Variants in TUBGCP2 observed in about 807,000 individuals in gnomAD.
TUBGCP2 encodes tubulin gamma complex component 2.
Under a neutral mutation model 92.2 loss-of-function variants are expected in TUBGCP2, and 55 were observed. The observed-to-expected ratio is 0.60, with a 90% CI of 0.48 to 0.75. TUBGCP2 has a LOEUF of 0.75. Among genes scored for constraint, TUBGCP2 ranks in the 30% least tolerant of loss-of-function variants. The pLI is 0.00. For synonymous variants in TUBGCP2, 533 were observed against 505.2 expected (o/e 1.06, Z -0.74); for missense variants, 1,093 against 1,188.9 (o/e 0.92, Z 1.19).
chr10:133,309,503 G>A (rs569651642), upstream of TUBGCP2: 9 of 1,588,526 alleles, frequency 5.7e-6, no homozygotes, highest in South Asian at 7.9e-5. Flanking sequence ...CTACTCCTGC[G>A]CCGCCTCCCT....
upstream of TUBGCP2, chr10:133,312,232 G>A (rs41313487): frequency 2.5e-3 from 3,485 of 1,373,018 alleles, 47 homozygotes; most frequent in South Asian, 0.027. Flanking sequence ...TGTGCCGTCT[G>A]CCTTCCTAGC....
chr10:133,282,606 C>A (rs1354238576), intron 15 of TUBGCP2, among the ~76,000 whole-genome samples: 2 of 152,124 alleles, frequency 1.3e-5, no homozygotes, highest in African/African-American at 4.8e-5. Flanking sequence ...AGTGGCCATG[C>A]CCTCCTCCAC....
At chr10:133,310,481 G>T (rs1847966214), upstream of TUBGCP2, 2 of 688,054 alleles carry the variant, frequency 2.9e-6, no homozygotes, top group Non-Finnish European at 2.4e-6. Flanking sequence ...GCCGAAGGGA[G>T]GCTGGAGGGG....
Position 133,293,657 on chromosome 10 carries a change from G to A in TUBGCP2, c.729C>T (p.Ser243=). Residue 243 remains serine (S), a synonymous_variant, in exon 6 of 18, where the codon AGC becomes AGT. Coordinates refer to ENST00000252936, the MANE Select transcript of TUBGCP2 (RefSeq NM_006659.4). ...GGTTGGGGTCCACGAGGAAGGTCCG[G>A]CTCTGCCTCCCAGCCAGGGGCTGAG... ...VSAQPLAGRQ[S]RTFLVDPNLD... is the part of the protein sequence containing the mutation. 3.8e-6 allele frequency: 6 copies of A among 1,593,516 alleles called. No homozygotes were observed. Among genetic ancestry groups the A allele is most frequent in the Non-Finnish European group, 5.1e-6 (6 of 1,170,686 alleles).
intron 16 of TUBGCP2, 56 bp from the exon 17 acceptor site, chr10:133,281,492 G>C: frequency 6.3e-7 from 1 of 1,589,418 alleles, no homozygotes; most frequent in Non-Finnish European, 8.5e-7. Context: ...GGGCCTTCTT[G>C]GCTCCACACT....
chr10:133,307,139 G>GGCC (rs1847842019), intron 1 of TUBGCP2, among the ~76,000 whole-genome samples: 1 of 152,252 alleles, frequency 6.6e-6, no homozygotes, highest in African/African-American at 2.4e-5. Flanking sequence ...ATCTAGCCGT[G>GGCC]GCTGCTTCTT....
Position 133,285,394 on chromosome 10 carries a change from A to G in TUBGCP2, c.1895+62T>C. 1.2e-6 allele frequency: 2 copies of G among 1,609,120 alleles called. No homozygotes were observed. Among genetic ancestry groups the G allele is most frequent in the Non-Finnish European group, 1.7e-6 (2 of 1,178,444 alleles). ...GGACGAGGTGGCCACCGCGTGGCAC[A>G]GTTCTCGCTTCTGCCAAACCTGAGT... On this transcript the variant is annotated intron_variant, in intron 12 of 17. Transcript: ENST00000252936. The surrounding 1 kb of genome is among the most constrained non-coding windows in gnomAD (Gnocchi z 6.8).
rs73392659 is a variant in TUBGCP2 at position 133,279,705 on chromosome 10, T to C, written c.*61A>G. On this transcript the variant is annotated 3_prime_UTR_variant, in exon 18 of 18. Transcript: ENST00000252936. Reference sequence around the variant, plus strand: ...CACAGAGCATTCGATTTGAAAATTCTGGACCCATTTGCACCAGTCCCTGCT... The same window carrying C: ...CACAGAGCATTCGATTTGAAAATTCCGGACCCATTTGCACCAGTCCCTGCT... 1.7e-3 allele frequency: 2,518 copies of C among 1,484,244 alleles called. 32 individuals are homozygous for C. In the African/African-American group the frequency reaches 0.031, roughly 18 times the overall value. 91.9% of individuals were successfully genotyped at this position (1,484,244 alleles called of 1,614,324 possible).
At chr10:133,290,181 C>A in intron 8 of TUBGCP2, 1 of 610,688 alleles carries the variant, frequency 1.6e-6, no homozygotes. Context: ...ACGCCTGTAA[C>A]CCCAACACTT....
intron 2 of TUBGCP2, 98 bp from the exon 3 acceptor site, chr10:133,300,211 T>A: frequency 7.3e-7 from 1 of 1,377,108 alleles, no homozygotes; most frequent in Non-Finnish European, 9.9e-7. Flanking sequence ...CCAATGGAAT[T>A]AAATTGGGTA....
intron 11 of TUBGCP2, among the ~76,000 whole-genome samples, chr10:133,286,542 A>C (rs1847137374): frequency 6.6e-6 from 1 of 152,162 alleles, no homozygotes; most frequent in Non-Finnish European, 1.5e-5. Flanking sequence ...CACCTGCAGA[A>C]CACCACCCCA....
At chr10:133,291,912 ATGTCCCTCCG>A (rs1178742474) in intron 8 of TUBGCP2, among the ~76,000 whole-genome samples, 1 of 8,290 alleles carries the variant, frequency 1.2e-4, no homozygotes, top group Non-Finnish European at 1.9e-4. Flanking sequence ...CGTGTCCCCC[ATGTCCCTCCG>A]TGTCCCCCAT....
Position 133,279,889 on chromosome 10 carries a change from ATTG to A in TUBGCP2, c.2583_2585del (p.Asn862del), listed in dbSNP as rs1181175385. On this transcript the variant is annotated inframe_deletion, in exon 18 of 18. Coordinates refer to ENST00000252936, the MANE Select transcript of TUBGCP2 (RefSeq NM_006659.4). The stretch of plus-strand genomic sequence containing the variant: ...GCTCCAGGCGCTCCGTGTAGAAACC[ATTG>A]AAGTCAAGCCTGTGAGGAAGGACAG... 6.2e-7 allele frequency: 1 copy of A among 1,609,536 alleles called. No homozygotes were observed. The highest frequency in any genetic ancestry group is 8.5e-7 in the Non-Finnish European group (1 of 1,178,558).
upstream of TUBGCP2, chr10:133,311,657 G>A: frequency 7.1e-7 from 1 of 1,417,048 alleles, no homozygotes; most frequent in African/African-American, 1.4e-5. Flanking sequence ...TTCATTTCTG[G>A]GGAACACAGG....
chr10:133,310,949 G>T (rs888144247), upstream of TUBGCP2, among the ~76,000 whole-genome samples: 2 of 151,956 alleles, frequency 1.3e-5, no homozygotes, highest in East Asian at 3.9e-4. Context: ...CTACCAACAC[G>T]CATCGCCGCA....
In TUBGCP2 at chr10:133,291,312, A is replaced by ATGGGT. The variant is rs1216866368; in HGVS notation, c.1214+1186_1214+1187insACCCA. Reference sequence around the variant, plus strand: ...CTGTGTCCCGGGGAGCCCTACCTGTACGGGAGAGGGCAGCATGCACCGTCC... The same window carrying ATGGGT: ...CTGTGTCCCGGGGAGCCCTACCTGTATGGGTCGGGAGAGGGCAGCATGCACCGTCC... On this transcript the variant is annotated intron_variant, in intron 8 of 17. Transcript: ENST00000252936. 1.9e-3 allele frequency among the ~76,000 whole-genome samples: 133 copies of ATGGGT among 68,640 alleles called. 1 individual carries two copies. The highest frequency in any genetic ancestry group is 3.9e-3 in the East Asian group (4 of 1,020). The allele number at this position is 68,640 out of a possible 152,430, so 45.0% of individuals were successfully genotyped here.
At chr10:133,300,272 T>C in intron 2 of TUBGCP2, 159 bp from the exon 3 acceptor site, 1 of 872,458 alleles carries the variant, frequency 1.1e-6, no homozygotes, top group Non-Finnish European at 1.7e-6. Context: ...ATCTCCATAT[T>C]GTGTTAAACT....
intron 16 of TUBGCP2, among the ~76,000 whole-genome samples, chr10:133,281,982 C>T (rs560091386): frequency 2.0e-5 from 3 of 152,238 alleles, no homozygotes; most frequent in Admixed American, 6.5e-5. Context: ...GCACAGCGCT[C>T]GCTCTGAAGA....
intron 8 of TUBGCP2, among the ~76,000 whole-genome samples, chr10:133,291,269 CCATGTCCCTCCGTGTCCCT>C (rs371183310): frequency 0.22 from 15,189 of 68,340 alleles, 1,722 homozygotes; most frequent in African/African-American, 0.51. Context: ...TCCGTGTCCC[CCATGTCCCTCCGTGTCCCT>C]GTGTCCCGGG....
Sources: allele counts gnomAD v4.1 joint callset (sites outside exome capture counted in the v4.1 genomes callset), GRCh38; gene constraint gnomAD v4.1.1; non-coding constraint Gnocchi (gnomAD v3.1); transcripts MANE v1.5; gene names NCBI Gene and HGNC (gene_info 2026-07-23, HGNC 2026-07-21).